SKAP2: variants seen among roughly 807,000 people sequenced by gnomAD.
SKAP2 encodes the protein src kinase associated phosphoprotein 2, also known as src kinase-associated phosphoprotein 2.
A neutral mutation model predicts 54.9 loss-of-function variants in SKAP2; 28 were observed. The observed-to-expected ratio is 0.51, with a 90% CI of 0.38 to 0.70. SKAP2 has a LOEUF of 0.70. Among genes scored for constraint, SKAP2 ranks in the 30% least tolerant of loss-of-function variants. SKAP2 has a pLI of 0.00. For missense variants in SKAP2, 356 were observed against 424.1 expected, an observed-to-expected ratio of 0.84 and a Z score of 1.41; for synonymous variants, 137 against 134.3, an observed-to-expected ratio of 1.02 and a Z score of -0.14.
At chr7:26,821,968 T>G (rs1784391492) in intron 4 of SKAP2, among the ~76,000 whole-genome samples, 1 of 152,236 alleles carries the variant, frequency 6.6e-6, no homozygotes, top group African/African-American at 2.4e-5. Flanking sequence ...CTCTGCCTGC[T>G]TAATCTGATA....
At chr7:26,682,737 C>T (rs766816548) in intron 11 of SKAP2, among the ~76,000 whole-genome samples, 2 of 152,120 alleles carry the variant, frequency 1.3e-5, no homozygotes, top group African/African-American at 2.4e-5. Context: ...TATGTGCTTC[C>T]CATGGGCTGG....
chr7:26,780,428 T>C (rs1183373449), intron 4 of SKAP2, among the ~76,000 whole-genome samples: 1 of 152,060 alleles, frequency 6.6e-6, no homozygotes, highest in Non-Finnish European at 1.5e-5. Context: ...GGATAATACA[T>C]TTTTTCAGCT....
intron 10 of SKAP2, among the ~76,000 whole-genome samples, chr7:26,687,877 T>C (rs145141618): frequency 2.0e-5 from 3 of 152,278 alleles, no homozygotes; most frequent in African/African-American, 7.2e-5. Context: ...TAGTTGGCTT[T>C]ACTACATGGA....
intron 1 of SKAP2, chr7:26,857,656 GGGT>G (rs1785200911): frequency 9.1e-6 from 9 of 985,308 alleles, no homozygotes; most frequent in Non-Finnish European, 8.4e-6. Flanking sequence ...TTAAACCCCA[GGGT>G]TCCTCTCAGG....
chr7:26,828,944 T>C (rs924491763), intron 4 of SKAP2, among the ~76,000 whole-genome samples: 3 of 151,266 alleles, frequency 2.0e-5, no homozygotes, highest in Non-Finnish European at 4.4e-5. Context: ...CGAGAATCAC[T>C]GGAACCCAGT....
intron 4 of SKAP2, among the ~76,000 whole-genome samples, chr7:26,827,483 C>T (rs1462871026): frequency 6.6e-6 from 1 of 152,064 alleles, no homozygotes; most frequent in Non-Finnish European, 1.5e-5. Context: ...TAAAGTTTCT[C>T]CATAGTGAAA....
chr7:26,769,965 C>T (rs556883414), intron 4 of SKAP2, among the ~76,000 whole-genome samples: 8 of 152,276 alleles, frequency 5.3e-5, no homozygotes, highest in African/African-American at 1.7e-4. Flanking sequence ...TGACCCTTAG[C>T]AGAGCTTGAG....
At chr7:26,841,079 C>G (rs1042480108) in intron 4 of SKAP2, among the ~76,000 whole-genome samples, 1 of 151,908 alleles carries the variant, frequency 6.6e-6, no homozygotes, top group Admixed American at 6.6e-5. Context: ...TCAATTATAT[C>G]AACTCTTTTG....
intron 11 of SKAP2, among the ~76,000 whole-genome samples, chr7:26,683,951 TA>T (rs1296112678): frequency 2.0e-5 from 3 of 152,198 alleles, no homozygotes; most frequent in Non-Finnish European, 1.5e-5. Context: ...GTTTCTAAAG[TA>T]GTCTTGTAAG....
chr7:26,666,697 C>A (rs181179233), downstream of SKAP2, among the ~76,000 whole-genome samples: 1 of 152,076 alleles, frequency 6.6e-6, no homozygotes, highest in South Asian at 2.1e-4. Flanking sequence ...TAAATTAGCA[C>A]ACAGTAAAAA....
intron 11 of SKAP2, among the ~76,000 whole-genome samples, chr7:26,672,929 T>C (rs1786273661): frequency 1.3e-5 from 2 of 152,004 alleles, no homozygotes; most frequent in African/African-American, 4.8e-5. Flanking sequence ...AAAGAAAATC[T>C]GCCTGTCTAT....
intron 4 of SKAP2, among the ~76,000 whole-genome samples, chr7:26,788,824 G>A (rs1046251066): frequency 3.3e-5 from 5 of 150,866 alleles, no homozygotes; most frequent in Admixed American, 2.0e-4. Flanking sequence ...ACACACGTGC[G>A]CACACACACA....
intron 4 of SKAP2, among the ~76,000 whole-genome samples, chr7:26,743,065 A>G (rs1782487283): frequency 6.6e-6 from 1 of 152,200 alleles, no homozygotes; most frequent in Admixed American, 6.5e-5. Flanking sequence ...CCTATCTGCC[A>G]GGCAACAACA....
At chr7:26,718,925 T>A (rs1012927033) in intron 9 of SKAP2, among the ~76,000 whole-genome samples, 2 of 151,706 alleles carry the variant, frequency 1.3e-5, no homozygotes, top group South Asian at 4.2e-4. Context: ...ATGCCTGTAA[T>A]CCCAGCACTT....
At chr7:26,655,827 A>G in the SKAP2 span, among the ~76,000 whole-genome samples, 1 of 152,230 alleles carries the variant, frequency 6.6e-6, no homozygotes, top group East Asian at 1.9e-4. Flanking sequence ...AGCACAACTA[A>G]TGTCTGGAGG....
chr7:26,845,240 G>C (rs1177593864), intron 3 of SKAP2, among the ~76,000 whole-genome samples: 1 of 151,934 alleles, frequency 6.6e-6, no homozygotes, highest in African/African-American at 2.4e-5. Flanking sequence ...TCTCCAAAAG[G>C]GTATCTTTGT....
At chr7:26,696,634 G>A (rs2127944292) in intron 9 of SKAP2, among the ~76,000 whole-genome samples, 1 of 152,238 alleles carries the variant, frequency 6.6e-6, no homozygotes, top group South Asian at 2.1e-4. Context: ...AAGAAAATAA[G>A]CAATAGTTGT....
At chr7:26,678,587 C>T (rs944554280) in intron 11 of SKAP2, among the ~76,000 whole-genome samples, 2 of 151,772 alleles carry the variant, frequency 1.3e-5, no homozygotes, top group Admixed American at 6.6e-5. Context: ...ACTACAGGTG[C>T]GCACCACCAC....
chr7:26,843,625 T>C (rs1386455812), intron 4 of SKAP2, among the ~76,000 whole-genome samples: 1 of 152,010 alleles, frequency 6.6e-6, no homozygotes, highest in Admixed American at 6.6e-5. Flanking sequence ...TAATATTTTA[T>C]TAACTCATTT....
Sources: gnomAD v4.1 joint callset for allele counts (sites outside exome capture counted in the v4.1 genomes callset) on GRCh38, gnomAD v4.1.1 for gene constraint, MANE v1.5 for transcripts, NCBI Gene and HGNC (gene_info 2026-07-23, HGNC 2026-07-21) for gene names.